Variants in ANKRD31 observed in about 807,000 individuals in gnomAD.
The protein encoded by ANKRD31 is ankyrin repeat domain 31.
A neutral mutation model predicts 186.0 loss-of-function variants in ANKRD31; 147 were observed. The observed-to-expected ratio is 0.79, with a 90% CI of 0.69 to 0.91. ANKRD31 has a LOEUF of 0.91. Among genes scored for constraint, ANKRD31 ranks in the 40% least tolerant of loss-of-function variants. The probability of loss-of-function intolerance (pLI) is 0.00; values close to 1 mark genes in which losing one functional copy is unlikely to be tolerated. For missense variants in ANKRD31, 1,986 were observed against 2,148.8 expected, an observed-to-expected ratio of 0.92 and a Z score of 1.50; for synonymous variants, 673 against 736.4, an observed-to-expected ratio of 0.91 and a Z score of 1.39.
At chr5:75,088,055 T>G (rs1022032214) in intron 23 of ANKRD31, among the ~76,000 whole-genome samples, 2 of 152,220 alleles carry the variant, frequency 1.3e-5, no homozygotes, top group African/African-American at 4.8e-5. Flanking sequence ...TGTTCTAAAA[T>G]GTAGCTGAGT....
intron 22 of ANKRD31, among the ~76,000 whole-genome samples, chr5:75,101,764 T>C (rs1488931782): frequency 6.6e-6 from 1 of 152,212 alleles, no homozygotes; most frequent in African/African-American, 2.4e-5. Context: ...CGTGCCATGG[T>C]TTTCAGCTCC....
intron 17 of ANKRD31, among the ~76,000 whole-genome samples, chr5:75,134,668 G>A (rs978828435): frequency 2.6e-5 from 4 of 152,086 alleles, no homozygotes. Flanking sequence ...ATTTGATGAG[G>A]CCAGCATCAT....
At chr5:75,168,665 T>C (rs935521224) in intron 11 of ANKRD31, among the ~76,000 whole-genome samples, 2 of 152,094 alleles carry the variant, frequency 1.3e-5, no homozygotes, top group South Asian at 2.1e-4. Flanking sequence ...CGTAACACTC[T>C]ATAAGAAGGA....
At chr5:75,082,514 T>C (rs1296354634) in intron 24 of ANKRD31, among the ~76,000 whole-genome samples, 2 of 152,216 alleles carry the variant, frequency 1.3e-5, no homozygotes, top group African/African-American at 4.8e-5. Context: ...AAATGTGTGC[T>C]GCCTTTTTCC....
chr5:75,146,698 C>T lies in ANKRD31; in HGVS notation c.2713G>A (p.Asp905Asn). Residue 905 changes from aspartate (D) to asparagine (N), a missense_variant, in exon 14 of 26, where the codon GAT (aspartate) becomes AAT (asparagine). Transcript: ENST00000506364. ...ATAGCCTTCTCAGAGGTAGAGCAATCATCATCATCATCATTATCAGAATTT... is the reference window on the plus strand; with the variant it reads ...ATAGCCTTCTCAGAGGTAGAGCAATTATCATCATCATCATTATCAGAATTT... ...KENSDNDDDD[D>N]CSTSEKAITS... 1.3e-6 allele frequency: 2 copies of T among 1,531,044 alleles called. No individual in the cohort carries two copies. The highest frequency in any genetic ancestry group is 8.8e-7 in the Non-Finnish European group (1 of 1,141,890). 94.8% of individuals were successfully genotyped at this position (1,531,044 alleles called of 1,614,324 possible).
chr5:75,169,155 T>C, intron 10 of ANKRD31, 34 bp from the exon 11 acceptor site: 2 of 1,525,446 alleles, frequency 1.3e-6, no homozygotes, highest in Non-Finnish European at 1.8e-6. Flanking sequence ...TTTGTTTACA[T>C]TTGGCATCTT....
Position 75,146,131 on chromosome 5 carries a change from T to A in ANKRD31, c.3280A>T (p.Lys1094Ter). ...VAHSQVIETT[K>*]VEKRRQNHLE... ...TGGTTTTGTCTCCTTTTTTCAACTT[T>A]AGTTGTTTCTATTACTTGAGAATGA... The change falls in exon 14 of 26, where the codon AAA becomes TAA. Residue 1094 changes from lysine (K) to a stop codon, truncating the protein, a stop_gained. Coordinates refer to ENST00000506364, the MANE Select transcript of ANKRD31 (RefSeq NM_001372053.1). LOFTEE classifies it high-confidence loss of function. The A allele has an allele frequency of 6.5e-7, 1 of 1,536,146 alleles. No individual in the cohort carries two copies. Among genetic ancestry groups the A allele is most frequent in the Non-Finnish European group, 8.7e-7 (1 of 1,146,276 alleles).
intron 3 of ANKRD31, among the ~76,000 whole-genome samples, chr5:75,215,440 T>A (rs1178666338): frequency 1.3e-5 from 2 of 152,158 alleles, no homozygotes; most frequent in Non-Finnish European, 2.9e-5. Context: ...GTCTCCATTA[T>A]CTCTCCAGGC....
intron 3 of ANKRD31, among the ~76,000 whole-genome samples, chr5:75,216,544 A>T (rs548939979): frequency 6.6e-6 from 1 of 152,186 alleles, no homozygotes; most frequent in African/African-American, 2.4e-5. Flanking sequence ...TTAATTTTTA[A>T]ATGAGTTATT....
rs770179997 is a variant in ANKRD31, at chr5:75,138,868, A to G, written c.3711T>C (p.Asp1237=). 1 of 1,536,538 alleles carries G rather than the reference A, an allele frequency of 6.5e-7. No homozygotes were observed. Among genetic ancestry groups the G allele is most frequent in the Non-Finnish European group, 8.7e-7 (1 of 1,146,510 alleles). Residue 1237 remains aspartate (D), a synonymous_variant, in exon 16 of 26, where the codon GAT becomes GAC. Transcript: ENST00000506364. ...LVKALIESGA[D]VNLNDNAGWT... ...AACCTGCATTATCATTTAGATTCAC[A>G]TCTGCTCCAGATTCTATCAGGGCTT...
intron 23 of ANKRD31, among the ~76,000 whole-genome samples, chr5:75,086,896 T>C (rs1745532700): frequency 6.6e-6 from 1 of 152,222 alleles, no homozygotes; most frequent in South Asian, 2.1e-4. Context: ...CGCATGTGCA[T>C]ACACACACAC....
chr5:75,070,587 A>G (rs1405183253), intron 25 of ANKRD31, among the ~76,000 whole-genome samples: 1 of 152,216 alleles, frequency 6.6e-6, no homozygotes, highest in African/African-American at 2.4e-5. Context: ...CACCAACAGT[A>G]TTATGAGACT....
intron 25 of ANKRD31, among the ~76,000 whole-genome samples, chr5:75,069,928 C>T (rs974066585): frequency 3.9e-5 from 6 of 152,060 alleles, no homozygotes; most frequent in African/African-American, 9.7e-5. Flanking sequence ...ATTAGGATGG[C>T]GCCAAAATGA....
chr5:75,229,299 G>C (rs1283213351), intron 2 of ANKRD31, among the ~76,000 whole-genome samples: 6 of 152,142 alleles, frequency 3.9e-5, no homozygotes, highest in Non-Finnish European at 1.5e-5. Context: ...GGAAAAATAA[G>C]ACTGGTTATT....
intron 21 of ANKRD31, 88 bp from the exon 22 acceptor site, chr5:75,105,306 C>T: frequency 1.5e-6 from 2 of 1,312,990 alleles, no homozygotes; most frequent in South Asian, 1.9e-5. Context: ...TACTTTGTCT[C>T]CAAATTTTAA....
chr5:75,098,920 A>C (rs969380883), intron 22 of ANKRD31, among the ~76,000 whole-genome samples: 4 of 152,132 alleles, frequency 2.6e-5, no homozygotes, highest in African/African-American at 9.7e-5. Context: ...AATACCCTTT[A>C]TTTCTTTCTC....
chr5:75,216,660 T>G (rs1756980410), intron 3 of ANKRD31, among the ~76,000 whole-genome samples: 1 of 152,158 alleles, frequency 6.6e-6, no homozygotes, highest in Non-Finnish European at 1.5e-5. Context: ...AAGTATGATA[T>G]TAAGTAGACC....
At chr5:75,189,235 T>C (rs185159807) in intron 9 of ANKRD31, among the ~76,000 whole-genome samples, 2 of 152,306 alleles carry the variant, frequency 1.3e-5, no homozygotes, top group Middle Eastern at 3.4e-3. Context: ...AAATGCACGA[T>C]TAAAATACTT....
chr5:75,165,418 A>C (rs1179587022), intron 11 of ANKRD31, among the ~76,000 whole-genome samples: 1 of 152,198 alleles, frequency 6.6e-6, no homozygotes, highest in Non-Finnish European at 1.5e-5. Flanking sequence ...GAAATAATTC[A>C]ATTACTGTAT....
Sources: allele counts gnomAD v4.1 joint callset (sites outside exome capture counted in the v4.1 genomes callset), GRCh38; gene constraint gnomAD v4.1.1; transcripts MANE v1.5; gene names NCBI Gene and HGNC (gene_info 2026-07-23, HGNC 2026-07-21).